Variants in FNDC3B observed in about 807,000 individuals in gnomAD.
FNDC3B encodes fibronectin type III domain containing 3B, also known as fibronectin type III domain-containing protein 3B.
A neutral mutation model predicts 151.5 loss-of-function variants in FNDC3B; 12 were observed. The ratio of observed to expected loss-of-function variants is 0.08; its 90% CI spans 0.05 to 0.13. The LOEUF is 0.13. Ranked by LOEUF, FNDC3B falls within the 10% of genes least tolerant of loss-of-function variation. The pLI, the probability that FNDC3B is intolerant of heterozygous loss-of-function variation, is 1.00. For synonymous variants in FNDC3B, 528 were observed against 549.0 expected (o/e 0.96, Z 0.54); for missense variants, 1,214 against 1,505.3 (o/e 0.81, Z 3.20).
chr3:172,263,436 A>G (rs1468104197), intron 6 of FNDC3B, among the ~76,000 whole-genome samples: 1 of 152,128 alleles, frequency 6.6e-6, no homozygotes, highest in Non-Finnish European at 1.5e-5. Flanking sequence ...AAAAATTCAT[A>G]TTTAGTCTTT....
intron 3 of FNDC3B, among the ~76,000 whole-genome samples, chr3:172,182,463 G>C (rs1723961578): frequency 6.6e-6 from 1 of 152,190 alleles, no homozygotes; most frequent in Non-Finnish European, 1.5e-5. Flanking sequence ...TGATGATCAG[G>C]ACCTTACAGG....
At chr3:172,284,476 T>C (rs571270445) in intron 6 of FNDC3B, among the ~76,000 whole-genome samples, 14 of 152,220 alleles carry the variant, frequency 9.2e-5, no homozygotes, top group South Asian at 4.2e-4. Flanking sequence ...TTTCAGATTT[T>C]GATAATTGAT....
chr3:172,298,942 C>G (rs1255501933), intron 9 of FNDC3B, among the ~76,000 whole-genome samples, 155 bp downstream of exon 9: 1 of 152,152 alleles, frequency 6.6e-6, no homozygotes, highest in Non-Finnish European at 1.5e-5. Flanking sequence ...TCAAGAGCAT[C>G]GTAACTGGGA....
At chr3:172,082,624 A>G (rs1470252506) in intron 1 of FNDC3B, among the ~76,000 whole-genome samples, 1 of 152,226 alleles carries the variant, frequency 6.6e-6, no homozygotes, top group East Asian at 1.9e-4. Flanking sequence ...ACCCATGTAT[A>G]GGCTGAACGT....
intron 1 of FNDC3B, among the ~76,000 whole-genome samples, chr3:172,045,409 T>C (rs1036464379): frequency 1.1e-4 from 16 of 152,158 alleles, no homozygotes; most frequent in Non-Finnish European, 2.4e-4. Flanking sequence ...GATTCAGGGC[T>C]GTTTTTGAGG....
chr3:172,189,545 AT>A (rs915523143), intron 3 of FNDC3B, among the ~76,000 whole-genome samples: 5 of 151,842 alleles, frequency 3.3e-5, no homozygotes, highest in South Asian at 2.1e-4. Context: ...ATTTACTTGA[AT>A]TTTTTTTTAT....
chr3:172,132,396 A>G (rs1251343534), intron 2 of FNDC3B, among the ~76,000 whole-genome samples: 2 of 152,104 alleles, frequency 1.3e-5, no homozygotes, highest in African/African-American at 2.4e-5. Flanking sequence ...TTTTAACTAT[A>G]GTTTTTGTGG....
chr3:172,347,715 T>G (rs1244233269), intron 21 of FNDC3B, among the ~76,000 whole-genome samples: 1 of 152,158 alleles, frequency 6.6e-6, no homozygotes, highest in Non-Finnish European at 1.5e-5. Context: ...AGATGTACAT[T>G]TCAGTGGGAA....
At chr3:172,293,018 C>CA (rs1407885003) in intron 7 of FNDC3B, among the ~76,000 whole-genome samples, 1 of 152,168 alleles carries the variant, frequency 6.6e-6, no homozygotes, top group African/African-American at 2.4e-5. Context: ...AGTCTCAGAA[C>CA]ACTTAAGAGT....
At chr3:172,081,008 T>C (rs1339467783) in intron 1 of FNDC3B, among the ~76,000 whole-genome samples, 1 of 152,250 alleles carries the variant, frequency 6.6e-6, no homozygotes. Context: ...CATCAGTGTG[T>C]CATGCTAGTC....
At chr3:172,191,769 C>A (rs554850871) in intron 3 of FNDC3B, among the ~76,000 whole-genome samples, 1 of 152,272 alleles carries the variant, frequency 6.6e-6, no homozygotes. Context: ...CATGCGTGAG[C>A]CACCGTGCCT....
chr3:172,095,725 A>G (rs1178074749), intron 1 of FNDC3B, among the ~76,000 whole-genome samples: 1 of 152,168 alleles, frequency 6.6e-6, no homozygotes, highest in East Asian at 1.9e-4. Flanking sequence ...TCTTCTTTCT[A>G]CCTACTTTAT....
chr3:172,226,719 A>G, intron 3 of FNDC3B, 152 bp from the exon 4 acceptor site: 1 of 498,778 alleles, frequency 2.0e-6, no homozygotes. Flanking sequence ...TCATGGTTTC[A>G]GGTTTAGCTT....
intron 1 of FNDC3B, among the ~76,000 whole-genome samples, chr3:172,093,606 C>T (rs1223045819): frequency 1.3e-5 from 2 of 152,030 alleles, no homozygotes; most frequent in African/African-American, 4.8e-5. Context: ...ACTGTGTCGC[C>T]CAGGGTGGTC....
intron 22 of FNDC3B, among the ~76,000 whole-genome samples, chr3:172,358,592 G>A (rs955635274): frequency 6.6e-6 from 1 of 152,222 alleles, no homozygotes; most frequent in Non-Finnish European, 1.5e-5. Context: ...TGCAGCCGCA[G>A]TGAAGACCTG....
intron 1 of FNDC3B, among the ~76,000 whole-genome samples, chr3:172,110,920 G>A (rs933147837): frequency 2.6e-5 from 4 of 152,130 alleles, no homozygotes; most frequent in South Asian, 2.1e-4. Flanking sequence ...CCAACATGGC[G>A]AAACCCTGTC....
intron 18 of FNDC3B, among the ~76,000 whole-genome samples, 200 bp from the exon 19 acceptor site, chr3:172,343,886 C>T (rs1338372197): frequency 6.6e-6 from 1 of 152,088 alleles, no homozygotes; most frequent in Admixed American, 6.5e-5. Context: ...TCAGTGGACC[C>T]GCTTTGGAGA....
rs1717160010 is a variant in FNDC3B at position 172,060,844 on chromosome 3, G to T, written c.-29+21073G>T. On this transcript the variant is annotated intron_variant, in intron 1 of 25. Coordinates refer to ENST00000415807, the MANE Select transcript of FNDC3B (RefSeq NM_022763.4). ...ACTTATGTTTGATTTTAATTTTAAA[G>T]ACATGTTCTAATTATAATTCTTACT... Among the ~76,000 whole-genome samples, 4 of 152,184 alleles carry T rather than the reference G, an allele frequency of 2.6e-5. No individual in the cohort carries two copies. The South Asian group carries it at 8.3e-4, about 32-fold the overall frequency.
intron 6 of FNDC3B, among the ~76,000 whole-genome samples, chr3:172,270,516 A>C (rs1488893537): frequency 6.6e-6 from 1 of 152,030 alleles, no homozygotes; most frequent in East Asian, 1.9e-4. Context: ...GTTCTTTTAT[A>C]CTTTGTATAG....
Sources: gnomAD v4.1 joint callset for allele counts (sites outside exome capture counted in the v4.1 genomes callset) on GRCh38, gnomAD v4.1.1 for gene constraint, MANE v1.5 for transcripts, NCBI Gene and HGNC (gene_info 2026-07-23, HGNC 2026-07-21) for gene names.